TRIM24: variants seen among roughly 807,000 people sequenced by gnomAD.
TRIM24 encodes the protein tripartite motif containing 24, also known as transcription intermediary factor 1-alpha.
A neutral mutation model predicts 123.9 loss-of-function variants in TRIM24; 29 were observed. The observed-to-expected ratio is 0.23, with a 90% CI of 0.17 to 0.32. The LOEUF (loss-of-function observed/expected upper bound fraction) is 0.32, where lower values mean the gene tolerates loss of function less well. TRIM24 is among the 10% of genes least tolerant of loss of function. TRIM24 has a pLI of 1.00. For missense variants in TRIM24, 932 were observed against 1,295.3 expected (o/e 0.72, Z 4.31); for synonymous variants, 456 against 461.1 (o/e 0.99, Z 0.14).
chr7:138,513,238 T>A (rs1201713906), intron 2 of TRIM24, among the ~76,000 whole-genome samples: 2 of 152,198 alleles, frequency 1.3e-5, no homozygotes, highest in Non-Finnish European at 2.9e-5. Context: ...AGTTCCAAAA[T>A]TTTTCTCACC....
At chr7:138,522,700 G>A (rs1209361696) in intron 4 of TRIM24, among the ~76,000 whole-genome samples, 1 of 151,740 alleles carries the variant, frequency 6.6e-6, no homozygotes, top group Non-Finnish European at 1.5e-5. Context: ...TTTTTTTTAG[G>A]AAATGCACAC....
Position 138,589,517 on chromosome 7 carries a change from G to C in TRIM24, c.*4566G>C, listed in dbSNP as rs1022004740. On this transcript the variant is annotated 3_prime_UTR_variant, in exon 19 of 19. Coordinates refer to ENST00000343526, the MANE Select transcript of TRIM24 (RefSeq NM_015905.3). ...TGATCCATATAGGGGCAAGCTACTAGTCCATAAATAGCTGTAATAGGAAAA... is the reference window on the plus strand; with the variant it reads ...TGATCCATATAGGGGCAAGCTACTACTCCATAAATAGCTGTAATAGGAAAA... The C allele has an allele frequency of 5.9e-5, 9 of 152,118 alleles. No individual in the cohort carries two copies. Among genetic ancestry groups the C allele is most frequent in the African/African-American group, 2.2e-4 (9 of 41,430 alleles). 9.4% of individuals were successfully genotyped at this position (152,118 alleles called of 1,614,324 possible). A position where few individuals can be genotyped will look rare whatever the true frequency, so the allele number is the denominator to read the frequency against.
At position 138,586,553 on chromosome 7, in the gene TRIM24, A is replaced by G. The variant is rs940866780; in HGVS notation, c.*1602A>G. 2 of 152,038 alleles carry G rather than the reference A, an allele frequency of 1.3e-5. No individual in the cohort carries two copies. The highest frequency in any genetic ancestry group is 2.9e-5 in the Non-Finnish European group (2 of 67,936). 9.4% of individuals were successfully genotyped at this position (152,038 alleles called of 1,614,324 possible). A position where few individuals can be genotyped will look rare whatever the true frequency, so the allele number is the denominator to read the frequency against. ...TATAGGTCTTGTTCATAATATGTCA[A>G]TTATGTATTGTTAAAAAGTCCTACT... On this transcript the variant is annotated 3_prime_UTR_variant, in exon 19 of 19. Coordinates refer to ENST00000343526, the MANE Select transcript of TRIM24 (RefSeq NM_015905.3).
chr7:138,483,786 G>A (rs1795584517), intron 1 of TRIM24, among the ~76,000 whole-genome samples: 1 of 152,176 alleles, frequency 6.6e-6, no homozygotes, highest in Admixed American at 6.5e-5. Context: ...TGAAAGTGGG[G>A]TGCCCCTGGT....
intron 1 of TRIM24, among the ~76,000 whole-genome samples, chr7:138,496,798 G>A (rs1049205168): frequency 2.0e-5 from 3 of 151,950 alleles, no homozygotes; most frequent in African/African-American, 7.3e-5. Flanking sequence ...TCTGTGCCCA[G>A]CCAAAATTTT....
chr7:138,582,192 G>T (rs893483525), intron 17 of TRIM24, among the ~76,000 whole-genome samples: 1 of 152,160 alleles, frequency 6.6e-6, no homozygotes, highest in African/African-American at 2.4e-5. Flanking sequence ...TACAAAAAAA[G>T]TTGAGGAAGT....
rs184940795 is a variant in TRIM24, at chr7:138,588,222, A to C, written c.*3271A>C. On this transcript the variant is annotated 3_prime_UTR_variant, in exon 19 of 19. Coordinates refer to ENST00000343526, the MANE Select transcript of TRIM24 (RefSeq NM_015905.3). ...GTGCTTAGACACTTCCTTACGTTTG[A>C]GTTCCAAGGAGAGAGAGTGAGAAGA... is the stretch of plus-strand genomic sequence containing the variant. The C allele has an allele frequency of 1.8e-4, 28 of 152,328 alleles. No homozygotes were observed. The highest frequency in any genetic ancestry group is 6.5e-4 in the Admixed American group (10 of 15,302). 9.4% of individuals were successfully genotyped at this position (152,328 alleles called of 1,614,324 possible). A position where few individuals can be genotyped will look rare whatever the true frequency, so the allele number is the denominator to read the frequency against.
chr7:138,482,501 G>A (rs914273000), intron 1 of TRIM24, among the ~76,000 whole-genome samples: 1 of 152,138 alleles, frequency 6.6e-6, no homozygotes, highest in Non-Finnish European at 1.5e-5. Context: ...TAGCGTGGTA[G>A]CATCCTAACA....
intron 13 of TRIM24, 66 bp from the exon 14 acceptor site, chr7:138,577,354 A>G: frequency 7.7e-7 from 1 of 1,302,632 alleles, no homozygotes; most frequent in Non-Finnish European, 1.0e-6. Context: ...AGTTGTTGTT[A>G]TACTTTTTAT....
chr7:138,563,576 C>T (rs1457620526), intron 9 of TRIM24, among the ~76,000 whole-genome samples: 4 of 152,176 alleles, frequency 2.6e-5, no homozygotes, highest in East Asian at 3.9e-4. Context: ...GGTGGCCACT[C>T]CTATAAGTTG....
chr7:138,552,779 A>G (rs1417431016), intron 8 of TRIM24, among the ~76,000 whole-genome samples: 1 of 152,198 alleles, frequency 6.6e-6, no homozygotes, highest in African/African-American at 2.4e-5. Context: ...ATACAGACAT[A>G]TGTATATTGA....
intron 6 of TRIM24, among the ~76,000 whole-genome samples, chr7:138,531,703 C>T (rs533920784): frequency 6.6e-6 from 1 of 152,242 alleles, no homozygotes; most frequent in South Asian, 2.1e-4. Context: ...TTTATAGCAG[C>T]ATGATTTATA....
chr7:138,477,834 G>A (rs1206305612), intron 1 of TRIM24, among the ~76,000 whole-genome samples: 2 of 152,110 alleles, frequency 1.3e-5, no homozygotes, highest in Non-Finnish European at 2.9e-5. Context: ...CTGGATGAAG[G>A]ACTTCATATT....
chr7:138,462,445 A>G (rs1163928315), intron 1 of TRIM24, among the ~76,000 whole-genome samples: 2 of 143,334 alleles, frequency 1.4e-5, no homozygotes, highest in Non-Finnish European at 3.0e-5. Flanking sequence ...GGTTCACGCC[A>G]TTCTCCTGCC....
rs1324562305 is a variant in TRIM24, at chr7:138,577,291, AT to A, written c.2088-127del. 1.1e-5 allele frequency: 7 copies of A among 649,680 alleles called. No individual in the cohort carries two copies. In the Admixed American group the frequency reaches 1.8e-4, roughly 17 times the overall value. The allele number at this position is 649,680 out of a possible 1,614,324, so 40.2% of individuals were successfully genotyped here. On this transcript the variant is annotated intron_variant, in intron 13 of 18. Coordinates refer to ENST00000343526, the MANE Select transcript of TRIM24 (RefSeq NM_015905.3). The stretch of plus-strand genomic sequence containing the variant: ...ACACCAGTTTCATTTGTTATGCATC[AT>A]TAATTGCTGATGTTAACATACTTAT...
chr7:138,569,506 G>A (rs1236833059), intron 10 of TRIM24, among the ~76,000 whole-genome samples: 3 of 152,128 alleles, frequency 2.0e-5, no homozygotes, highest in Admixed American at 1.3e-4. Context: ...ATTTTTGTGA[G>A]GTGTTATCTC....
chr7:138,589,508 A>G lies in TRIM24; in HGVS notation c.*4557A>G, dbSNP rs1044993135. 6.6e-6 allele frequency: 1 copy of G among 152,226 alleles called. No individual in the cohort carries two copies. The highest frequency in any genetic ancestry group is 1.5e-5 in the Non-Finnish European group (1 of 68,042). 9.4% of individuals were successfully genotyped at this position (152,226 alleles called of 1,614,324 possible). On this transcript the variant is annotated 3_prime_UTR_variant, in exon 19 of 19. Transcript: ENST00000343526. The stretch of plus-strand genomic sequence containing the variant: ...CTGTAACATTGATCCATATAGGGGC[A>G]AGCTACTAGTCCATAAATAGCTGTA...
rs145532014 is a variant in TRIM24, at chr7:138,559,463, T to G, written c.1530+4497T>G. Reference sequence around the variant, plus strand: ...GACAGGATAATAGTAAAACAATTAGTATTATAAGGAAAGCTATTGGACCTA... The same window carrying G: ...GACAGGATAATAGTAAAACAATTAGGATTATAAGGAAAGCTATTGGACCTA... On this transcript the variant is annotated intron_variant, in intron 9 of 18. Coordinates refer to ENST00000343526, the MANE Select transcript of TRIM24 (RefSeq NM_015905.3). 4.3e-3 allele frequency among the ~76,000 whole-genome samples: 649 copies of G among 152,170 alleles called. 6 individuals carry two copies. Among genetic ancestry groups the G allele is most frequent in the African/African-American group, 0.015 (634 of 41,526 alleles).
chr7:138,505,236 C>G (rs12707388), intron 2 of TRIM24, among the ~76,000 whole-genome samples: 67,245 of 152,004 alleles, frequency 0.44, 15,704 homozygotes, highest in African/African-American at 0.5. Flanking sequence ...TCCAGAAGCT[C>G]TTGATTGCAT....
Sources: allele counts gnomAD v4.1 joint callset (sites outside exome capture counted in the v4.1 genomes callset), GRCh38; gene constraint gnomAD v4.1.1; transcripts MANE v1.5; gene names NCBI Gene and HGNC (gene_info 2026-07-23, HGNC 2026-07-21).